The following RHBDF2 variants were observed in gnomAD, a reference collection of about 807,000 sequenced individuals.
RHBDF2 encodes the protein inactive rhomboid protein 2.
RHBDF2 carries 38 observed loss-of-function variants against 95.2 expected under a neutral mutation model. That is an observed-to-expected ratio of 0.40 (90% confidence interval 0.31 to 0.52). The LOEUF (loss-of-function observed/expected upper bound fraction) is 0.52. Ranked by LOEUF, RHBDF2 falls within the 20% of genes least tolerant of loss-of-function variation. The pLI is 0.56. For synonymous variants in RHBDF2, 442 were observed against 462.0 expected (o/e 0.96, Z 0.55); for missense variants, 863 against 1,137.7 (o/e 0.76, Z 3.47).
Position 76,478,821 on chromosome 17 carries a change from G to A in RHBDF2, c.657C>T (p.Ala219=), listed in dbSNP as rs754997571. 5 of 1,612,724 alleles carry A rather than the reference G, an allele frequency of 3.1e-6. No homozygotes were observed. Among genetic ancestry groups the A allele is most frequent in the South Asian group, 2.2e-5 (2 of 90,892 alleles). The change falls in exon 6 of 19, where the codon GCC becomes GCT. Residue 219 remains alanine (A), a synonymous_variant. Transcript: ENST00000675367. ...MSVAHMSLQA[A]AALLKGRSVL... is the part of the protein sequence containing the mutation. ...AGCCCCGCACCTTGAGGAGGGCAGCGGCAGCTTGCAAGCTCATGTGGGCCA... is the reference window on the plus strand; with the variant it reads ...AGCCCCGCACCTTGAGGAGGGCAGCAGCAGCTTGCAAGCTCATGTGGGCCA...
intron 3 of RHBDF2, 197 bp from the exon 4 acceptor site, chr17:76,480,051 G>GTGTGTATATATATATATATATATA (rs1363176782): frequency 2.5e-5 from 1 of 39,858 alleles, no homozygotes; most frequent in Admixed American, 4.7e-4. Flanking sequence ...GTTTGTATAT[G>GTGTGTATATATATATATATATATA]TATATATATA....
rs768744728 is a variant in RHBDF2 at position 76,471,731 on chromosome 17, T to C, written c.2386A>G (p.Ile796Val). 177 of 1,611,236 alleles carry C rather than the reference T, an allele frequency of 1.1e-4. 2 individuals are homozygous for C. The South Asian group carries it at 1.9e-3, about 17-fold the overall frequency. ...LFAALVLWLY[I>V]YPINWPWIEH... Reference sequence around the variant, plus strand: ...ATCCAGGGCCAGTTAATGGGGTAGATGTACAGCCACAGCACGAGGGCGGCG... The same window carrying C: ...ATCCAGGGCCAGTTAATGGGGTAGACGTACAGCCACAGCACGAGGGCGGCG... The change falls in exon 19 of 19, where the codon ATC (isoleucine) becomes GTC (valine). Residue 796 changes from isoleucine to valine, a missense_variant. Physicochemically the swap from Ile to Val is conservative, Grantham distance 29. Transcript: ENST00000675367.
intron 1 of RHBDF2, among the ~76,000 whole-genome samples, chr17:76,496,318 G>A (rs1392155844): frequency 1.2e-4 from 19 of 152,228 alleles, no homozygotes; most frequent in Admixed American, 1.2e-3. Context: ...CTATTCGACA[G>A]GTGGGGAAAC....
rs768741677 is a variant in RHBDF2 at position 76,473,877 on chromosome 17, C to T, written c.1600G>A (p.Gly534Ser). The T allele has an allele frequency of 8.1e-6, 13 of 1,614,056 alleles. No individual in the cohort carries two copies. The highest frequency in any genetic ancestry group is 6.6e-5 in the South Asian group (6 of 91,088). The change falls in exon 14 of 19, where the codon GGT (glycine) becomes AGT (serine). Residue 534 changes from glycine to serine, a missense_variant. Coordinates refer to ENST00000675367, the MANE Select transcript of RHBDF2 (RefSeq NM_001005498.4). ...ATGTCATCGGGCCAGATGTGGGCAC[C>T]GCTGGAGGCTGGCTCCTCGCAGGTC... ...PRTCEEPASS[G>S]AHIWPDDITK...
At chr17:76,485,010 G>A (rs1335258732) in intron 2 of RHBDF2, among the ~76,000 whole-genome samples, 1 of 152,184 alleles carries the variant, frequency 6.6e-6, no homozygotes, top group African/African-American at 2.4e-5. Flanking sequence ...AGTGGCTCAC[G>A]CCTGTAATCT....
intron 2 of RHBDF2, among the ~76,000 whole-genome samples, chr17:76,486,115 C>T (rs187870102): frequency 8.0e-4 from 115 of 143,704 alleles, no homozygotes; most frequent in South Asian, 5.3e-3. Context: ...CACACACACA[C>T]ATATAGTTTT....
chr17:76,484,943 G>T (rs992741069), intron 2 of RHBDF2, among the ~76,000 whole-genome samples: 1 of 152,174 alleles, frequency 6.6e-6, no homozygotes, highest in African/African-American at 2.4e-5. Context: ...GAGAGTAACG[G>T]TTCCTCCCCA....
chr17:76,483,486 TG>T (rs1239969929), intron 2 of RHBDF2, among the ~76,000 whole-genome samples: 1 of 152,144 alleles, frequency 6.6e-6, no homozygotes, highest in Non-Finnish European at 1.5e-5. Context: ...GGTTTCTCCA[TG>T]TTGGTCAGGC....
At chr17:76,477,834 AG>A (rs775497341) in intron 6 of RHBDF2, 49 bp from the exon 7 acceptor site, 1 of 1,593,074 alleles carries the variant, frequency 6.3e-7, no homozygotes, top group Non-Finnish European at 8.5e-7. Flanking sequence ...CTGGCCACCT[AG>A]GCCCCCAGCC....
chr17:76,478,812 G>A lies in RHBDF2; in HGVS notation c.666C>T (p.Leu222=), dbSNP rs922369882. The A allele has an allele frequency of 1.9e-6, 3 of 1,611,910 alleles. No homozygotes were observed. The highest frequency in any genetic ancestry group is 1.7e-6 in the Non-Finnish European group (2 of 1,179,076). Residue 222 remains leucine, a synonymous_variant, in exon 6 of 19, where the codon CTC becomes CTT. Coordinates refer to ENST00000675367, the MANE Select transcript of RHBDF2 (RefSeq NM_001005498.4). ...AHMSLQAAAA[L]LKGRSVLDAT... ...GCAGGAGGGAGCCCCGCACCTTGAGGAGGGCAGCGGCAGCTTGCAAGCTCA... is the reference window on the plus strand; with the variant it reads ...GCAGGAGGGAGCCCCGCACCTTGAGAAGGGCAGCGGCAGCTTGCAAGCTCA...
chr17:76,494,201 C>T (rs1406289109), intron 1 of RHBDF2, among the ~76,000 whole-genome samples: 2 of 152,188 alleles, frequency 1.3e-5, no homozygotes, highest in Non-Finnish European at 2.9e-5. Context: ...ACCATCTGGG[C>T]TTTCTCAGGA....
Position 76,477,212 on chromosome 17 carries a change from G to A in RHBDF2, c.888C>T (p.Ser296=), listed in dbSNP as rs1248651327. The A allele has an allele frequency of 6.2e-7, 1 of 1,610,876 alleles. No individual in the cohort carries two copies. Among genetic ancestry groups the A allele is most frequent in the Non-Finnish European group, 8.5e-7 (1 of 1,179,028 alleles). Residue 296 remains serine, a synonymous_variant, in exon 8 of 19, where the codon TCC becomes TCT. Transcript: ENST00000675367. ...TTTGCACCCCATCGGGGGAGACAGG[G>A]GAGGCTGAGTGTGGGATCCCTCGGA... ...SYFRGIPHSA[S]PVSPDGVQIP... is the part of the protein sequence containing the mutation.
intron 2 of RHBDF2, among the ~76,000 whole-genome samples, chr17:76,482,707 A>T (rs1429158214): frequency 6.6e-6 from 1 of 151,998 alleles, no homozygotes; most frequent in Non-Finnish European, 1.5e-5. Flanking sequence ...CAGGAGGCAG[A>T]GGTTGCAGTG....
intron 18 of RHBDF2, 99 bp downstream of exon 18, chr17:76,472,587 G>A (rs1267076594): frequency 3.4e-6 from 5 of 1,483,422 alleles, no homozygotes; most frequent in Non-Finnish European, 4.7e-6. Flanking sequence ...CAGTACAGGA[G>A]GGGCACCGTG....
chr17:76,497,792 T>G (rs990634641), intron 1 of RHBDF2, among the ~76,000 whole-genome samples: 1 of 152,192 alleles, frequency 6.6e-6, no homozygotes, highest in African/African-American at 2.4e-5. Flanking sequence ...AGCACACACA[T>G]GGACGACTGT....
intron 9 of RHBDF2, among the ~76,000 whole-genome samples, chr17:76,475,575 T>C (rs1424374608): frequency 1.3e-5 from 2 of 151,882 alleles, no homozygotes; most frequent in South Asian, 2.1e-4. Flanking sequence ...TCATTGCTTG[T>C]TCTTTTCTTT....
intron 3 of RHBDF2, among the ~76,000 whole-genome samples, chr17:76,480,859 A>G (rs2073943234): frequency 6.6e-6 from 1 of 151,644 alleles, no homozygotes; most frequent in African/African-American, 2.4e-5. Flanking sequence ...TTCCCTTTAT[A>G]CTCCAGACTG....
At position 76,473,310 on chromosome 17, in the gene RHBDF2, CG is replaced by C; in HGVS notation, c.1750del (p.Arg584GlyfsTer66). The C allele has an allele frequency of 6.2e-7, 1 of 1,612,324 alleles. No homozygotes were observed. The highest frequency in any genetic ancestry group is 8.5e-7 in the Non-Finnish European group (1 of 1,179,110). ...GCCGTGCATGAACTCACAGTATTCC[CG>C]GGTGGTGATCTCACAGCTAAGGGGG... is the stretch of plus-strand genomic sequence containing the variant. ...GTKGSCEITT[R>X]EYCEFMHGYF... On this transcript the variant is annotated frameshift_variant, in exon 16 of 19. Coordinates refer to ENST00000675367, the MANE Select transcript of RHBDF2 (RefSeq NM_001005498.4). LOFTEE classifies it high-confidence loss of function.
At chr17:76,499,711 C>T (rs2074528169) in intron 1 of RHBDF2, among the ~76,000 whole-genome samples, 1 of 152,170 alleles carries the variant, frequency 6.6e-6, no homozygotes, top group African/African-American at 2.4e-5. Flanking sequence ...GGGAAAATTC[C>T]AGCAGGTCAC....
Sources: gnomAD v4.1 joint callset for allele counts (sites outside exome capture counted in the v4.1 genomes callset) on GRCh38, gnomAD v4.1.1 for gene constraint, MANE v1.5 for transcripts, NCBI Gene and HGNC (gene_info 2026-07-23, HGNC 2026-07-21) for gene names.